The following DAB1 variants were observed in gnomAD, a reference collection of about 807,000 sequenced individuals.
The protein encoded by DAB1 is DAB adaptor protein 1.
In DAB1, 15 loss-of-function variants were observed where a neutral mutation model predicts 64.6. The ratio of observed to expected loss-of-function variants is 0.23; its 90% confidence interval spans 0.16 to 0.36. The LOEUF (loss-of-function observed/expected upper bound fraction) is 0.36. DAB1 is among the 10% of genes least tolerant of loss of function. The probability of loss-of-function intolerance (pLI) is 1.00; values close to 1 mark genes in which losing one functional copy is unlikely to be tolerated. For synonymous variants in DAB1, 235 were observed against 251.9 expected, an observed-to-expected ratio of 0.93 and a Z score of 0.64; for missense variants, 596 against 706.7, an observed-to-expected ratio of 0.84 and a Z score of 1.78.
At chr1:57,354,429 A>G (rs1295606230) in intron 1 of DAB1, among the ~76,000 whole-genome samples, 1 of 152,092 alleles carries the variant, frequency 6.6e-6, no homozygotes, top group African/African-American at 2.4e-5. Flanking sequence ...ATTGTTTACT[A>G]TTCTGATTTG....
chr1:57,696,593 G>A (rs1646848703), intron 6 of DAB1, among the ~76,000 whole-genome samples: 1 of 152,114 alleles, frequency 6.6e-6, no homozygotes, highest in South Asian at 2.1e-4. Context: ...CTCAGCACCT[G>A]GGAAAAGCAT....
At chr1:57,394,045 A>G (rs1682610296) in intron 1 of DAB1, among the ~76,000 whole-genome samples, 2 of 152,186 alleles carry the variant, frequency 1.3e-5, no homozygotes, top group Admixed American at 1.3e-4. Flanking sequence ...GTAGTTCTCA[A>G]CGTAGCATTA....
chr1:58,079,836 A>G (rs768090584), intron 5 of DAB1, among the ~76,000 whole-genome samples: 3 of 152,062 alleles, frequency 2.0e-5, no homozygotes, highest in Non-Finnish European at 2.9e-5. Flanking sequence ...CCATCTTTTA[A>G]TTGCCTTATT....
chr1:58,367,090 T>C (rs1644224227), intron 3 of DAB1, among the ~76,000 whole-genome samples: 1 of 152,212 alleles, frequency 6.6e-6, no homozygotes, highest in Non-Finnish European at 1.5e-5. Context: ...CATATGGTAC[T>C]ATCTGTTGGA....
chr1:58,045,333 G>A (rs964702749), intron 5 of DAB1, among the ~76,000 whole-genome samples: 1 of 152,188 alleles, frequency 6.6e-6, no homozygotes, highest in Admixed American at 6.5e-5. Context: ...GAGGGGGTAA[G>A]GGCTAATGGA....
At chr1:58,457,322 C>T (rs563185472) in intron 3 of DAB1, among the ~76,000 whole-genome samples, 5 of 152,266 alleles carry the variant, frequency 3.3e-5, no homozygotes, top group African/African-American at 1.2e-4. Context: ...AGACAGTGCT[C>T]CCTCCCTCCC....
intron 7 of DAB1, among the ~76,000 whole-genome samples, chr1:57,631,179 G>A (rs1343244828): frequency 2.0e-5 from 3 of 152,022 alleles, no homozygotes; most frequent in African/African-American, 7.2e-5. Context: ...GTCTTTATTG[G>A]GATGGTCATG....
chr1:57,615,052 A>C (rs6587786), intron 7 of DAB1, among the ~76,000 whole-genome samples: 131,781 of 151,228 alleles, frequency 0.87, 59,396 homozygotes, highest in East Asian at 1. Context: ...TTGTATTTTT[A>C]GTAGAGACAG....
intron 5 of DAB1, among the ~76,000 whole-genome samples, chr1:58,041,921 C>A (rs904802617): frequency 2.0e-5 from 3 of 152,270 alleles, no homozygotes; most frequent in South Asian, 4.1e-4. Context: ...TTATCCCCAA[C>A]ACCAACCTCT....
chr1:57,631,476 T>C (rs1245359175), intron 7 of DAB1, among the ~76,000 whole-genome samples: 1 of 152,236 alleles, frequency 6.6e-6, no homozygotes, highest in African/African-American at 2.4e-5. Flanking sequence ...ATTAAGTGCA[T>C]TTTTCTAGTT....
At chr1:57,214,510 C>T (rs982177844) in intron 2 of DAB1, among the ~76,000 whole-genome samples, 18 of 152,096 alleles carry the variant, frequency 1.2e-4, no homozygotes, top group African/African-American at 4.8e-5. Context: ...CAAGAGCCAT[C>T]CAGAATAGTC....
rs1192423494 is a variant in DAB1 at position 58,518,284 on chromosome 1, A to G, written n.107+8977T>C. Among the ~76,000 whole-genome samples, 75 of 13,060 alleles carry G rather than the reference A, an allele frequency of 5.7e-3. 9 individuals are homozygous for G. Among genetic ancestry groups the G allele is most frequent in the Middle Eastern group, 0.071 (2 of 28 alleles). The allele number at this position is 13,060 out of a possible 152,430, so 8.6% of individuals were successfully genotyped here. On this transcript the variant is annotated intron_variant and non_coding_transcript_variant, in intron 2 of 20. Transcript: ENST00000485760. ...GGGAGAGGAGAGAGGAGAGGAGAAG[A>G]GAAGAGAAGAGAAGAGAAGAGAAGA...
At chr1:57,774,370 A>G (rs1649699092) in intron 6 of DAB1, among the ~76,000 whole-genome samples, 1 of 151,854 alleles carries the variant, frequency 6.6e-6, no homozygotes, top group Non-Finnish European at 1.5e-5. Context: ...AAAATTTTCT[A>G]CATCTGTGAA....
At chr1:58,433,459 A>G (rs190501098) in intron 3 of DAB1, among the ~76,000 whole-genome samples, 72 of 151,992 alleles carry the variant, frequency 4.7e-4, no homozygotes, top group Admixed American at 1.8e-3. Flanking sequence ...TATTTGGCTC[A>G]TGGTTCTGGA....
intron 6 of DAB1, among the ~76,000 whole-genome samples, chr1:57,665,660 C>T (rs181115344): frequency 2.0e-5 from 3 of 152,162 alleles, no homozygotes; most frequent in African/African-American, 7.2e-5. Context: ...GTAGCTATTA[C>T]AGCAGTATTT....
At chr1:57,504,776 A>C (rs1644325993) in intron 7 of DAB1, among the ~76,000 whole-genome samples, 3 of 152,220 alleles carry the variant, frequency 2.0e-5, no homozygotes, top group Non-Finnish European at 4.4e-5. Context: ...ATCAAGCTCA[A>C]CATCAACAGT....
Position 57,203,681 on chromosome 1 carries a change from T to C in DAB1, c.68-58252A>G, listed in dbSNP as rs114271896. On this transcript the variant is annotated intron_variant, in intron 2 of 14. Transcript: ENST00000371236. ...AGTGATTTGTTGGTGATAGTGCTCA[T>C]TGCTTTTGTGACCTCTGCACTGGAC... Among the ~76,000 whole-genome samples, 458 of 152,346 alleles carry C rather than the reference T, an allele frequency of 3.0e-3. 2 individuals carry two copies. Among genetic ancestry groups the C allele is most frequent in the Non-Finnish European group, 5.0e-3 (342 of 68,038 alleles).
chr1:58,530,563 G>C, intron 1 of DAB1: 1 of 837,140 alleles, frequency 1.2e-6, no homozygotes, highest in Non-Finnish European at 2.1e-6. Context: ...ATCTTCACCA[G>C]AGGCTATGAT....
At chr1:58,012,248 G>A (rs1217630106) in intron 5 of DAB1, among the ~76,000 whole-genome samples, 1 of 152,152 alleles carries the variant, frequency 6.6e-6, no homozygotes, top group Non-Finnish European at 1.5e-5. Context: ...CCACTCAGAA[G>A]TGACCAGAGT....
Sources: allele counts gnomAD v4.1 joint callset (sites outside exome capture counted in the v4.1 genomes callset), GRCh38; gene constraint gnomAD v4.1.1; transcripts MANE v1.5; gene names NCBI Gene and HGNC (gene_info 2026-07-23, HGNC 2026-07-21).